Variants in RABGAP1L observed in about 807,000 individuals in gnomAD.
RABGAP1L encodes the protein rab GTPase-activating protein 1-like.
In RABGAP1L, 63 loss-of-function variants were observed where a neutral mutation model predicts 137.7. The observed-to-expected ratio is 0.46, with a 90% CI of 0.37 to 0.56. The LOEUF (loss-of-function observed/expected upper bound fraction) is 0.56. Ranked by LOEUF, RABGAP1L falls within the 20% of genes least tolerant of loss-of-function variation. The pLI, the probability that RABGAP1L is intolerant of heterozygous loss-of-function variation, is 0.00. For missense variants in RABGAP1L, 1,095 were observed against 1,244.0 expected (o/e 0.88, Z 1.80); for synonymous variants, 431 against 433.7 (o/e 0.99, Z 0.08).
At chr1:174,747,402 TAAAAA>T (rs35889834) in intron 17 of RABGAP1L, among the ~76,000 whole-genome samples, 103 of 81,924 alleles carry the variant, frequency 1.3e-3, no homozygotes, top group South Asian at 3.7e-3. Flanking sequence ...ATTCTATCTC[TAAAAA>T]AAAAAAAAAA....
chr1:174,952,262 G>A (rs1040130725), intron 19 of RABGAP1L, among the ~76,000 whole-genome samples: 1 of 150,316 alleles, frequency 6.7e-6, no homozygotes, highest in African/African-American at 2.5e-5. Flanking sequence ...AGCACTTTGG[G>A]AGGCTGAGGT....
In RABGAP1L at chr1:174,743,930, T is replaced by C. The variant is rs1028895494; in HGVS notation, c.2170-8383T>C. On this transcript the variant is annotated intron_variant, in intron 17 of 25. Coordinates refer to ENST00000681986, the MANE Select transcript of RABGAP1L (RefSeq NM_001366446.1). ...AATAACTATAATAAAATGGAAAATA[T>C]ATAATTAAGCTAGAGGAAAGGAAGG... Among the ~76,000 whole-genome samples, 6 of 151,558 alleles carry C rather than the reference T, an allele frequency of 4.0e-5. No homozygotes were observed. The East Asian group carries it at 9.6e-4, about 24-fold the overall frequency.
chr1:174,554,376 G>C (rs1007794646), intron 13 of RABGAP1L, among the ~76,000 whole-genome samples: 5 of 152,156 alleles, frequency 3.3e-5, no homozygotes, highest in African/African-American at 1.2e-4. Context: ...TTCTGGCAAT[G>C]TGTTCATAAT....
chr1:174,731,543 T>G (rs930868334), intron 17 of RABGAP1L, among the ~76,000 whole-genome samples: 1 of 152,216 alleles, frequency 6.6e-6, no homozygotes, highest in Non-Finnish European at 1.5e-5. Flanking sequence ...ATAATCTGAA[T>G]GCAAAATCAA....
At chr1:174,350,958 C>T (rs1683115755) in intron 11 of RABGAP1L, among the ~76,000 whole-genome samples, 1 of 77,318 alleles carries the variant, frequency 1.3e-5, no homozygotes, top group Non-Finnish European at 2.9e-5. Flanking sequence ...CGCGTGCCTG[C>T]AATCGCAGGC....
In RABGAP1L at chr1:174,261,909, G is replaced by A. The variant is rs370226330; in HGVS notation, c.986+9319G>A. ...AGATGTTATAATAATTTCTCTTAGA[G>A]GATATCATTCCTCCCTTTCCTGAAA... On this transcript the variant is annotated intron_variant, in intron 7 of 25. Transcript: ENST00000681986. 7.9e-5 allele frequency among the ~76,000 whole-genome samples: 12 copies of A among 152,268 alleles called. No individual in the cohort carries two copies. The East Asian group carries it at 1.9e-3, about 24-fold the overall frequency.
Position 174,174,195 on chromosome 1 carries a change from TACACACACACACAC to T in RABGAP1L, c.-34+14564_-34+14577del, listed in dbSNP as rs56864336. The stretch of plus-strand genomic sequence containing the variant: ...AGCAATGAAGAAATTGGAAAAAAAA[TACACACACACACAC>T]ACACACACACACACACACACACACA... On this transcript the variant is annotated intron_variant, in intron 1 of 25. Transcript: ENST00000681986. Among the ~76,000 whole-genome samples, 1,059 of 145,630 alleles carry T rather than the reference TACACACACACACAC, an allele frequency of 7.3e-3. 12 individuals carry two copies. The highest frequency in any genetic ancestry group is 0.024 in the African/African-American group (958 of 40,360).
At position 174,430,033 on chromosome 1, in the gene RABGAP1L, A is replaced by G. The variant is rs192809512; in HGVS notation, c.1710+35888A>G. On this transcript the variant is annotated intron_variant, in intron 13 of 25. Transcript: ENST00000681986. ...ACAAAGCATGTAAATTTAAAATTGT[A>G]TTTCCCAATAAGGCATCTCTGGGGA... is the stretch of plus-strand genomic sequence containing the variant. Among the ~76,000 whole-genome samples, 321 of 152,288 alleles carry G rather than the reference A, an allele frequency of 2.1e-3. 1 individual carries two copies. Among genetic ancestry groups the G allele is most frequent in the African/African-American group, 7.4e-3 (306 of 41,568 alleles).
intron 15 of RABGAP1L, among the ~76,000 whole-genome samples, chr1:174,692,710 T>TAAAG (rs1262084639): frequency 6.6e-6 from 1 of 152,218 alleles, no homozygotes; most frequent in Non-Finnish European, 1.5e-5. Flanking sequence ...TATCCTTGTA[T>TAAAG]AAAGCACTTT....
At chr1:174,871,992 T>C (rs925508507) in intron 19 of RABGAP1L, among the ~76,000 whole-genome samples, 2 of 152,174 alleles carry the variant, frequency 1.3e-5, no homozygotes, top group Non-Finnish European at 2.9e-5. Context: ...AAAAGCTGAA[T>C]TGTTAAAGAG....
intron 13 of RABGAP1L, among the ~76,000 whole-genome samples, chr1:174,455,745 A>G (rs1158583568): frequency 6.6e-6 from 1 of 152,158 alleles, no homozygotes; most frequent in African/African-American, 2.4e-5. Context: ...ATTATTGGAA[A>G]ACACTGCAAG....
At chr1:174,843,123 T>C (rs866068892) in intron 19 of RABGAP1L, among the ~76,000 whole-genome samples, 1 of 152,196 alleles carries the variant, frequency 6.6e-6, no homozygotes, top group Non-Finnish European at 1.5e-5. Flanking sequence ...TTTAATTAGA[T>C]TCTACTGATT....
At chr1:174,689,242 G>A (rs1328262115) in intron 15 of RABGAP1L, among the ~76,000 whole-genome samples, 2 of 151,814 alleles carry the variant, frequency 1.3e-5, no homozygotes, top group African/African-American at 4.8e-5. Flanking sequence ...TTTAACCAAT[G>A]GAAGTAAATA....
At chr1:174,671,456 T>C (rs76311252) in intron 14 of RABGAP1L, among the ~76,000 whole-genome samples, 11,944 of 152,254 alleles carry the variant, frequency 0.078, 656 homozygotes, top group East Asian at 0.32. Flanking sequence ...TTGTCATATA[T>C]GGCCATTACT....
chr1:174,691,220 C>G (rs1380501200), intron 15 of RABGAP1L, among the ~76,000 whole-genome samples: 2 of 152,158 alleles, frequency 1.3e-5, no homozygotes, highest in African/African-American at 2.4e-5. Context: ...ATGTGAAACA[C>G]ATCATGTGAA....
chr1:174,353,139 A>T (rs1683337838), intron 11 of RABGAP1L, among the ~76,000 whole-genome samples: 1 of 152,138 alleles, frequency 6.6e-6, no homozygotes, highest in South Asian at 2.1e-4. Context: ...GATGAATCCT[A>T]CCAAGAGTGG....
chr1:174,365,762 A>G (rs2148980905), intron 11 of RABGAP1L, among the ~76,000 whole-genome samples: 1 of 152,240 alleles, frequency 6.6e-6, no homozygotes, highest in Middle Eastern at 3.4e-3. Context: ...ATCCTTCCTC[A>G]ATGCCTCTTT....
At chr1:174,508,930 G>A (rs1457111270) in intron 13 of RABGAP1L, among the ~76,000 whole-genome samples, 1 of 152,078 alleles carries the variant, frequency 6.6e-6, no homozygotes, top group African/African-American at 2.4e-5. Flanking sequence ...CAGCACACCT[G>A]CATTTTGCAT....
intron 12 of RABGAP1L, among the ~76,000 whole-genome samples, chr1:174,375,990 C>G (rs1421219374): frequency 3.9e-5 from 6 of 151,970 alleles, no homozygotes; most frequent in African/African-American, 1.5e-4. Context: ...ATTGCCTGAG[C>G]CTAGGAGGCA....
Sources: gnomAD v4.1 joint callset for allele counts (sites outside exome capture counted in the v4.1 genomes callset) on GRCh38, gnomAD v4.1.1 for gene constraint, MANE v1.5 for transcripts, NCBI Gene and HGNC (gene_info 2026-07-23, HGNC 2026-07-21) for gene names.